SMCHD1: variants seen among roughly 807,000 people sequenced by gnomAD.
SMCHD1 encodes structural maintenance of chromosomes flexible hinge domain-containing protein 1.
SMCHD1 carries 78 observed loss-of-function variants against 254.7 expected under a neutral mutation model. The ratio of observed to expected loss-of-function variants is 0.31; its 90% CI spans 0.26 to 0.37. The LOEUF is 0.37. Ranked by LOEUF, SMCHD1 falls within the 10% of genes least tolerant of loss-of-function variation. The probability of loss-of-function intolerance (pLI) is 1.00; values close to 1 mark genes in which losing one functional copy is unlikely to be tolerated. For synonymous variants in SMCHD1, 766 were observed against 794.9 expected, an observed-to-expected ratio of 0.96 and a Z score of 0.61; for missense variants, 1,840 against 2,408.1, an observed-to-expected ratio of 0.76 and a Z score of 4.94.
At chr18:2,752,605 T>A in intron 34 of SMCHD1, 53 bp downstream of exon 34, 1 of 1,213,342 alleles carries the variant, frequency 8.2e-7, no homozygotes, top group South Asian at 1.3e-5. Context: ...ACAAAGTAAT[T>A]CAACCCTGGA....
chr18:2,726,465 A>C lies in SMCHD1; in HGVS notation c.2714A>C (p.Lys905Thr), dbSNP rs1404747373. ...NSCQGKNYNL[K>T]VTLPGLKEDS... ...TTTTTCCAACAGAATTATAATCTGA[A>C]GGTTACTCTGCCTGGCTTAAAAGAA... is the stretch of plus-strand genomic sequence containing the variant. Residue 905 changes from lysine to threonine, a missense_variant, in exon 22 of 48, where the codon AAG (lysine) becomes ACG (threonine). By Grantham distance (78) the Lys-to-Thr change is moderately conservative. Coordinates refer to ENST00000320876, the MANE Select transcript of SMCHD1 (RefSeq NM_015295.3). 22 of 1,507,888 alleles carry C rather than the reference A, an allele frequency of 1.5e-5. No individual in the cohort carries two copies. The highest frequency in any genetic ancestry group is 2.0e-5 in the Non-Finnish European group (22 of 1,117,440). The allele number at this position is 1,507,888 out of a possible 1,614,324, so 93.4% of individuals were successfully genotyped here.
chr18:2,713,194 A>G (rs896988673), intron 17 of SMCHD1, among the ~76,000 whole-genome samples: 8 of 152,178 alleles, frequency 5.3e-5, no homozygotes, highest in Non-Finnish European at 1.0e-4. Context: ...TACAAGATTA[A>G]AAACTCCAGG....
chr18:2,741,379 A>G (rs1489082212), intron 28 of SMCHD1, among the ~76,000 whole-genome samples: 1 of 152,198 alleles, frequency 6.6e-6, no homozygotes, highest in Non-Finnish European at 1.5e-5. Flanking sequence ...TGCCAGTAGT[A>G]GTCCACAGTG....
chr18:2,767,033 G>T (rs994778166), intron 37 of SMCHD1, among the ~76,000 whole-genome samples: 1 of 152,170 alleles, frequency 6.6e-6, no homozygotes, highest in African/African-American at 2.4e-5. Context: ...GCCAAGGTAG[G>T]ATTGCTGGAG....
At chr18:2,728,264 A>T in intron 22 of SMCHD1, 193 bp from the exon 23 acceptor site, 1 of 532,788 alleles carries the variant, frequency 1.9e-6, no homozygotes, top group East Asian at 3.4e-5. Flanking sequence ...TACAATTGAG[A>T]TAAGTCTTGT....
chr18:2,792,513 T>G (rs2076184091), intron 45 of SMCHD1, among the ~76,000 whole-genome samples: 1 of 152,196 alleles, frequency 6.6e-6, no homozygotes, highest in Non-Finnish European at 1.5e-5. Flanking sequence ...GGTTCAGTAG[T>G]ATCCACTGGG....
At chr18:2,679,056 C>G (rs143777439) in intron 5 of SMCHD1, among the ~76,000 whole-genome samples, 1,666 of 151,160 alleles carry the variant, frequency 0.011, 38 homozygotes, top group African/African-American at 0.038. Flanking sequence ...CCATATTGGC[C>G]AGGCTGGTCT....
chr18:2,760,670 T>TA lies in SMCHD1; in HGVS notation c.4368dup (p.Val1457SerfsTer14). Reference sequence around the variant, plus strand: ...AATTTAGGGATAAAGTAATTCCTAATAAAGTGGGGACATATTGTATCCAGT... The same window carrying TA: ...AATTTAGGGATAAAGTAATTCCTAATAAAAGTGGGGACATATTGTATCCAGT... On this transcript the variant is annotated frameshift_variant, in exon 35 of 48. Transcript: ENST00000320876. LOFTEE classifies it high-confidence loss of function. 6.4e-7 allele frequency: 1 copy of TA among 1,572,660 alleles called. No individual in the cohort carries two copies. The highest frequency in any genetic ancestry group is 8.7e-7 in the Non-Finnish European group (1 of 1,142,924).
At chr18:2,748,380 G>GTGTGTGTGTGTGTGTGTGTATATA (rs561439889) in intron 30 of SMCHD1, among the ~76,000 whole-genome samples, 17 of 80,246 alleles carry the variant, frequency 2.1e-4, no homozygotes, top group African/African-American at 1.1e-3. Flanking sequence ...GTGTGTGTGT[G>GTGTGTGTGTGTGTGTGTGTATATA]TGTATATAAA....
intron 41 of SMCHD1, among the ~76,000 whole-genome samples, chr18:2,773,703 C>G (rs1240816120): frequency 1.3e-5 from 2 of 152,146 alleles, no homozygotes; most frequent in African/African-American, 4.8e-5. Flanking sequence ...AGGCGCATTA[C>G]CTGAGGTCAG....
Position 2,718,814 on chromosome 18 carries a change from A to G in SMCHD1, c.2458+380A>G, listed in dbSNP as rs1456421166. On this transcript the variant is annotated intron_variant, in intron 19 of 47. Coordinates refer to ENST00000320876, the MANE Select transcript of SMCHD1 (RefSeq NM_015295.3). This position sits in a 1 kb window ranked among gnomAD's most constrained non-coding sequence, Gnocchi z 4.6. ...ATGATCTACCTGCCTCAGCCTCCCA[A>G]AGTGCTGGGATTACAGATGTGAGCC... 6.6e-6 allele frequency among the ~76,000 whole-genome samples: 1 copy of G among 152,058 alleles called. No homozygotes were observed. The highest frequency in any genetic ancestry group is 1.5e-5 in the Non-Finnish European group (1 of 68,006).
intron 2 of SMCHD1, 145 bp from the exon 3 acceptor site, chr18:2,666,725 G>T: frequency 1.7e-6 from 1 of 578,536 alleles, no homozygotes; most frequent in East Asian, 2.9e-5. Flanking sequence ...TCCTTAACAT[G>T]ACTTTGCTTA....
intron 5 of SMCHD1, 63 bp from the exon 6 acceptor site, chr18:2,688,331 T>C: frequency 8.7e-7 from 1 of 1,148,538 alleles, no homozygotes. Context: ...ACAAGTGCAA[T>C]GAAAGTTTCT....
chr18:2,724,853 C>A, intron 20 of SMCHD1, 46 bp from the exon 21 acceptor site: 4 of 1,091,208 alleles, frequency 3.7e-6, no homozygotes, highest in Non-Finnish European at 5.2e-6. Flanking sequence ...TTGCAGCTTA[C>A]TTGTAGGCAA....
intron 19 of SMCHD1, 147 bp from the exon 20 acceptor site, chr18:2,722,372 T>G: frequency 1.5e-6 from 1 of 684,886 alleles, no homozygotes; most frequent in Non-Finnish European, 2.3e-6. Flanking sequence ...AACATATAAT[T>G]TTTGCGCTGA....
intron 9 of SMCHD1, 108 bp downstream of exon 9, chr18:2,697,230 CCTT>C: frequency 1.9e-6 from 1 of 530,394 alleles, no homozygotes; most frequent in South Asian, 3.1e-5. Flanking sequence ...ACTTCTCTCT[CCTT>C]GTTTTTTACC....
At chr18:2,784,350 A>T in intron 44 of SMCHD1, 100 bp from the exon 45 acceptor site, 1 of 1,034,386 alleles carries the variant, frequency 9.7e-7, no homozygotes, top group Non-Finnish European at 1.4e-6. Flanking sequence ...TACTACTGTG[A>T]TCCTGTCATT....
intron 15 of SMCHD1, 117 bp downstream of exon 15, chr18:2,706,587 G>A (rs1017470175): frequency 1.7e-6 from 1 of 595,392 alleles, no homozygotes; most frequent in Non-Finnish European, 2.8e-6. Context: ...CTTAGATATT[G>A]TACCTATTGA....
intron 19 of SMCHD1, among the ~76,000 whole-genome samples, chr18:2,721,573 C>T (rs1269503009): frequency 6.6e-6 from 1 of 152,092 alleles, no homozygotes; most frequent in Non-Finnish European, 1.5e-5. Context: ...AAAAATTATG[C>T]TGCTTTCTGT....
Sources: gnomAD v4.1 joint callset for allele counts (sites outside exome capture counted in the v4.1 genomes callset) on GRCh38, gnomAD v4.1.1 for gene constraint, Gnocchi (gnomAD v3.1) non-coding constraint, MANE v1.5 for transcripts, NCBI Gene and HGNC (gene_info 2026-07-23, HGNC 2026-07-21) for gene names.